Variants in PTPRO observed in about 807,000 individuals in gnomAD.
The protein encoded by PTPRO is receptor-type tyrosine-protein phosphatase O.
Under a neutral mutation model 145.2 loss-of-function variants are expected in PTPRO, and 62 were observed. That is an observed-to-expected ratio of 0.43 (90% CI 0.35 to 0.53). PTPRO has a LOEUF of 0.53. PTPRO is among the 20% of genes least tolerant of loss of function. The pLI is 0.01. For missense variants in PTPRO, 1,345 were observed against 1,482.7 expected, an observed-to-expected ratio of 0.91 and a Z score of 1.53; for synonymous variants, 565 against 514.7, an observed-to-expected ratio of 1.10 and a Z score of -1.32.
intron 1 of PTPRO, among the ~76,000 whole-genome samples, chr12:15,374,036 G>A (rs1037886137): frequency 1.3e-5 from 2 of 152,164 alleles, no homozygotes; most frequent in African/African-American, 4.8e-5. Context: ...GAATGAACAT[G>A]CCTAATAAGT....
intron 23 of PTPRO, among the ~76,000 whole-genome samples, chr12:15,583,830 C>T (rs1488130136): frequency 2.6e-5 from 4 of 152,198 alleles, no homozygotes; most frequent in African/African-American, 9.6e-5. Flanking sequence ...AGATAAATCA[C>T]TTCTTAGCCA....
chr12:15,423,662 A>AT (rs1427193463), intron 1 of PTPRO, among the ~76,000 whole-genome samples: 1 of 152,134 alleles, frequency 6.6e-6, no homozygotes, highest in Non-Finnish European at 1.5e-5. Flanking sequence ...GAACCTAGAA[A>AT]TTTTTTTGTT....
intron 1 of PTPRO, among the ~76,000 whole-genome samples, chr12:15,324,869 T>C (rs144937694): frequency 9.6e-4 from 146 of 152,302 alleles, no homozygotes; most frequent in African/African-American, 3.1e-3. Flanking sequence ...ATTTAGAGGA[T>C]AGTATATTAC....
chr12:15,591,429 C>A (rs1441253543), intron 25 of PTPRO, among the ~76,000 whole-genome samples: 1 of 152,060 alleles, frequency 6.6e-6, no homozygotes, highest in East Asian at 1.9e-4. Flanking sequence ...TTTGACTTTT[C>A]TCCAACTACA....
intron 15 of PTPRO, among the ~76,000 whole-genome samples, chr12:15,554,802 GTCCTTCAA>G (rs1471852574): frequency 6.6e-6 from 1 of 152,140 alleles, no homozygotes; most frequent in Non-Finnish European, 1.5e-5. Flanking sequence ...AATACTTTGT[GTCCTTCAA>G]TCCAATCAAG....
chr12:15,566,753 T>C (rs992807459), intron 18 of PTPRO, among the ~76,000 whole-genome samples: 1 of 152,118 alleles, frequency 6.6e-6, no homozygotes, highest in Non-Finnish European at 1.5e-5. Context: ...ACTCCTGACC[T>C]CATGTGATCC....
At chr12:15,428,146 C>CAA (rs1940334205) in intron 1 of PTPRO, among the ~76,000 whole-genome samples, 2 of 152,106 alleles carry the variant, frequency 1.3e-5, no homozygotes, top group Admixed American at 6.6e-5. Flanking sequence ...ATTGCAAAAG[C>CAA]AAGTGCTCAT....
At chr12:15,584,034 G>A (rs905568717) in intron 23 of PTPRO, among the ~76,000 whole-genome samples, 8 of 152,102 alleles carry the variant, frequency 5.3e-5, no homozygotes, top group South Asian at 2.1e-4. Context: ...CCTTTGTGGC[G>A]TCTTCTCTGG....
At chr12:15,355,579 A>G (rs1380900595) in intron 1 of PTPRO, among the ~76,000 whole-genome samples, 2 of 152,234 alleles carry the variant, frequency 1.3e-5, no homozygotes, top group Non-Finnish European at 2.9e-5. Context: ...TATCTAATCT[A>G]TTGCAGAGGT....
At chr12:15,408,033 T>C (rs1315384115) in intron 1 of PTPRO, among the ~76,000 whole-genome samples, 2 of 152,184 alleles carry the variant, frequency 1.3e-5, no homozygotes, top group Non-Finnish European at 2.9e-5. Flanking sequence ...TATTCTCTTC[T>C]GTTATCATCC....
At chr12:15,575,118 G>A (rs1944151782) in intron 19 of PTPRO, among the ~76,000 whole-genome samples, 1 of 152,188 alleles carries the variant, frequency 6.6e-6, no homozygotes, top group Non-Finnish European at 1.5e-5. Context: ...CTAAAGATGA[G>A]GTCCTTGTCC....
At chr12:15,465,951 A>T (rs1422366426) in intron 1 of PTPRO, among the ~76,000 whole-genome samples, 1 of 152,166 alleles carries the variant, frequency 6.6e-6, no homozygotes, top group Non-Finnish European at 1.5e-5. Context: ...ACATGATCAG[A>T]GCTGGCTATT....
intron 1 of PTPRO, among the ~76,000 whole-genome samples, chr12:15,447,730 G>A (rs937731467): frequency 7.0e-6 from 1 of 143,146 alleles, no homozygotes; most frequent in Non-Finnish European, 1.5e-5. Context: ...ATTTGCCATC[G>A]ATGTGAGTGG....
intron 1 of PTPRO, among the ~76,000 whole-genome samples, chr12:15,408,278 G>A (rs55731965): frequency 0.079 from 12,017 of 151,946 alleles, 547 homozygotes; most frequent in African/African-American, 0.12. Flanking sequence ...ATACTCTATG[G>A]AAGGCTGCAT....
chr12:15,472,506 A>T (rs1221407809), intron 1 of PTPRO, among the ~76,000 whole-genome samples: 1 of 152,122 alleles, frequency 6.6e-6, no homozygotes, highest in Non-Finnish European at 1.5e-5. Flanking sequence ...AGGTCTCTGG[A>T]TGCTCTTCCC....
At chr12:15,578,174 CCTCA>C (rs986218608) in intron 19 of PTPRO, among the ~76,000 whole-genome samples, 2 of 152,050 alleles carry the variant, frequency 1.3e-5, no homozygotes, top group Non-Finnish European at 2.9e-5. Flanking sequence ...CCTACTCATT[CCTCA>C]CTATTTTTTA....
At chr12:15,590,311 C>A (rs942600868) in intron 25 of PTPRO, among the ~76,000 whole-genome samples, 1 of 152,146 alleles carries the variant, frequency 6.6e-6, no homozygotes, top group Non-Finnish European at 1.5e-5. Context: ...TGGGTGTGTA[C>A]CCTTGTGGGC....
At chr12:15,421,697 A>G (rs1216471221) in intron 1 of PTPRO, among the ~76,000 whole-genome samples, 1 of 152,222 alleles carries the variant, frequency 6.6e-6, no homozygotes, top group Admixed American at 6.5e-5. Context: ...TCTATTTCTC[A>G]TTTCCAATAA....
chr12:15,449,009 T>C (rs958465951), intron 1 of PTPRO, among the ~76,000 whole-genome samples: 15 of 151,662 alleles, frequency 9.9e-5, no homozygotes, highest in Non-Finnish European at 2.2e-4. Flanking sequence ...TTAGGCAGAA[T>C]TAAATTTAAA....
Sources: allele counts gnomAD v4.1 joint callset (sites outside exome capture counted in the v4.1 genomes callset), GRCh38; gene constraint gnomAD v4.1.1; transcripts MANE v1.5; gene names NCBI Gene and HGNC (gene_info 2026-07-23, HGNC 2026-07-21).